Variants in GABBR2 observed in about 807,000 individuals in gnomAD.
GABBR2 encodes G-protein coupled receptor 51.
GABBR2 carries 23 observed loss-of-function variants against 105.6 expected under a neutral mutation model. That is an observed-to-expected ratio of 0.22 (90% CI 0.16 to 0.31). GABBR2 has a LOEUF of 0.31. GABBR2 is among the 10% of genes least tolerant of loss of function. GABBR2 has a pLI of 1.00. For missense variants in GABBR2, 734 were observed against 1,245.5 expected, an observed-to-expected ratio of 0.59 and a Z score of 6.18; for synonymous variants, 478 against 499.7, an observed-to-expected ratio of 0.96 and a Z score of 0.58.
intron 3 of GABBR2, among the ~76,000 whole-genome samples, chr9:98,522,376 C>T (rs751039204): frequency 9.9e-5 from 15 of 151,936 alleles, no homozygotes; most frequent in Non-Finnish European, 1.5e-4. Context: ...CCAGATTCTT[C>T]GAATAAAAAT....
intron 7 of GABBR2, among the ~76,000 whole-genome samples, chr9:98,449,140 C>T (rs1054265125): frequency 1.3e-5 from 2 of 152,206 alleles, no homozygotes; most frequent in African/African-American, 4.8e-5. Flanking sequence ...CTTGCTCCCA[C>T]CACATGCACA....
intron 1 of GABBR2, among the ~76,000 whole-genome samples, chr9:98,636,606 G>A (rs1225533370): frequency 3.0e-5 from 4 of 134,114 alleles, no homozygotes; most frequent in Non-Finnish European, 6.2e-5. Context: ...CAATTCTCCC[G>A]CCTCAGCCTC....
At chr9:98,673,567 G>T in intron 1 of GABBR2, among the ~76,000 whole-genome samples, 1 of 136,834 alleles carries the variant, frequency 7.3e-6, no homozygotes, top group East Asian at 2.1e-4. Context: ...ATATGTACGA[G>T]AAAACGTTTT....
intron 3 of GABBR2, among the ~76,000 whole-genome samples, chr9:98,517,213 G>A (rs1827773934): frequency 6.6e-6 from 1 of 152,216 alleles, no homozygotes. Context: ...GGACTTCTCT[G>A]AAGGGCCATC....
intron 12 of GABBR2, among the ~76,000 whole-genome samples, chr9:98,365,356 G>A (rs1201199301): frequency 6.6e-6 from 1 of 152,226 alleles, no homozygotes; most frequent in African/African-American, 2.4e-5. Context: ...GACAATTAGT[G>A]ATTCTGTGTT....
chr9:98,396,947 T>C (rs1798973479), intron 8 of GABBR2, among the ~76,000 whole-genome samples: 1 of 152,218 alleles, frequency 6.6e-6, no homozygotes, highest in South Asian at 2.1e-4. Flanking sequence ...CACAAGTTCC[T>C]GCATTTAATG....
intron 13 of GABBR2, among the ~76,000 whole-genome samples, chr9:98,360,411 G>A (rs1266773195): frequency 6.6e-6 from 1 of 152,150 alleles, no homozygotes; most frequent in East Asian, 1.9e-4. Context: ...AGAAAAGTAG[G>A]CACCTGCCAG....
chr9:98,607,016 T>G, intron 1 of GABBR2: 2 of 1,058,388 alleles, frequency 1.9e-6, no homozygotes, highest in East Asian at 4.8e-5. Context: ...AGAAGACCCC[T>G]GAAGGCTATG....
intron 2 of GABBR2, among the ~76,000 whole-genome samples, chr9:98,576,492 T>A (rs1828909094): frequency 6.6e-6 from 1 of 152,154 alleles, no homozygotes; most frequent in South Asian, 2.1e-4. Context: ...CCTGTTTCCT[T>A]CTGTCATCGC....
chr9:98,642,907 A>C (rs1829984400), intron 1 of GABBR2, among the ~76,000 whole-genome samples: 1 of 152,028 alleles, frequency 6.6e-6, no homozygotes, highest in East Asian at 1.9e-4. Context: ...AGTTTCCCAC[A>C]CGAGTCCCTC....
chr9:98,659,215 C>A (rs935174590), intron 1 of GABBR2, among the ~76,000 whole-genome samples: 1 of 152,192 alleles, frequency 6.6e-6, no homozygotes, highest in Non-Finnish European at 1.5e-5. Flanking sequence ...GCATATATTT[C>A]TCTGTACTCA....
chr9:98,668,977 C>T (rs1421478019), intron 1 of GABBR2, among the ~76,000 whole-genome samples: 1 of 151,742 alleles, frequency 6.6e-6, no homozygotes, highest in Non-Finnish European at 1.5e-5. Context: ...AGTCCCCTTT[C>T]AGCTATTGTG....
chr9:98,385,772 C>T lies in GABBR2; in HGVS notation c.1530G>A (p.Lys510=). 1 of 1,608,332 alleles carries T rather than the reference C, an allele frequency of 6.2e-7. No homozygotes were observed. Among genetic ancestry groups the T allele is most frequent in the Non-Finnish European group, 8.5e-7 (1 of 1,174,978 alleles). Reference sequence around the variant, plus strand: ...TGTATGGACTCGACATCTTTATGAGCCTGACAAGAGAAAGAGACAATAGAT... The same window carrying T: ...TGTATGGACTCGACATCTTTATGAGTCTGACAAGAGAAAGAGACAATAGAT... ...LFFNIKNRNQ[K]LIKMSSPYMN... Residue 510 remains lysine (K), a splice_region_variant and synonymous_variant, in exon 11 of 19, where the codon AAG becomes AAA. Transcript: ENST00000259455.
chr9:98,651,854 C>T (rs954537233), intron 1 of GABBR2, among the ~76,000 whole-genome samples: 2 of 152,178 alleles, frequency 1.3e-5, no homozygotes, highest in African/African-American at 4.8e-5. Context: ...TGAACCCTGA[C>T]TGGATTTTTT....
chr9:98,451,261 A>G (rs771711747), intron 7 of GABBR2, among the ~76,000 whole-genome samples: 4 of 152,142 alleles, frequency 2.6e-5, no homozygotes, highest in African/African-American at 7.2e-5. Context: ...TCAACTGAGA[A>G]GCTCTTCTTT....
At chr9:98,355,320 C>T (rs1831465948) in intron 13 of GABBR2, among the ~76,000 whole-genome samples, 4 of 151,076 alleles carry the variant, frequency 2.6e-5, no homozygotes, top group Admixed American at 2.6e-4. Flanking sequence ...TAAACGCTAT[C>T]AGAAAAAATG....
intron 1 of GABBR2, among the ~76,000 whole-genome samples, chr9:98,673,585 G>GAA (rs550807318): frequency 4.8e-5 from 2 of 41,780 alleles, no homozygotes; most frequent in South Asian, 6.1e-4. Flanking sequence ...TTTCTAAGTT[G>GAA]AAAAAAAAAA....
At chr9:98,663,818 T>C (rs760988260) in intron 1 of GABBR2, among the ~76,000 whole-genome samples, 1 of 152,182 alleles carries the variant, frequency 6.6e-6, no homozygotes, top group Non-Finnish European at 1.5e-5. Flanking sequence ...TCCCTCTGTC[T>C]TTCTCCAGAG....
At chr9:98,651,680 C>T (rs1830108383) in intron 1 of GABBR2, among the ~76,000 whole-genome samples, 1 of 152,156 alleles carries the variant, frequency 6.6e-6, no homozygotes, top group Non-Finnish European at 1.5e-5. Context: ...GATCCTCCCA[C>T]CTCAGCCTCC....
Sources: gnomAD v4.1 joint callset for allele counts (sites outside exome capture counted in the v4.1 genomes callset) on GRCh38, gnomAD v4.1.1 for gene constraint, MANE v1.5 for transcripts, NCBI Gene and HGNC (gene_info 2026-07-23, HGNC 2026-07-21) for gene names.